Variants in ACYP2 observed in about 807,000 individuals in gnomAD.
The protein encoded by ACYP2 is acylphosphatase-2.
A neutral mutation model predicts 11.2 loss-of-function variants in ACYP2; 12 were observed. The ratio of observed to expected loss-of-function variants is 1.08; its 90% confidence interval spans 0.69 to 1.74. ACYP2 has a LOEUF of 1.74. Ranked by LOEUF, ACYP2 falls within the 40% of genes most tolerant of loss-of-function variation. The probability of loss-of-function intolerance (pLI) is 0.00; values close to 1 mark genes in which losing one functional copy is unlikely to be tolerated. For synonymous variants in ACYP2, 43 were observed against 32.2 expected, an observed-to-expected ratio of 1.33 and a Z score of -1.13; for missense variants, 134 against 101.9, an observed-to-expected ratio of 1.31 and a Z score of -1.35.
intron 2 of ACYP2, chr2:54,030,811 G>A (rs1294143790): frequency 2.6e-5 from 4 of 152,100 alleles, no homozygotes; most frequent in Non-Finnish European, 4.4e-5. Context: ...CTGACCTTTA[G>A]TACTCCTAAC....
At chr2:54,111,059 C>T (rs1679434975) in intron 4 of ACYP2, among the ~76,000 whole-genome samples, 1 of 152,044 alleles carries the variant, frequency 6.6e-6, no homozygotes, top group Non-Finnish European at 1.5e-5. Context: ...CCCAGATGGC[C>T]TTCTTGCTGG....
chr2:54,051,185 C>A, intron 3 of ACYP2: 1 of 725,662 alleles, frequency 1.4e-6, no homozygotes, highest in South Asian at 1.5e-5. Context: ...GCGACTCTGC[C>A]TCACTGAGGA....
At chr2:54,119,873 T>C (rs1273294540) in intron 4 of ACYP2, among the ~76,000 whole-genome samples, 1 of 152,234 alleles carries the variant, frequency 6.6e-6, no homozygotes, top group African/African-American at 2.4e-5. Context: ...TCCTTGAGGC[T>C]GTGACATTCT....
intron 6 of ACYP2, among the ~76,000 whole-genome samples, chr2:54,198,924 G>C (rs553067127): frequency 5.9e-4 from 90 of 152,260 alleles, no homozygotes; most frequent in Admixed American, 4.4e-3. Context: ...TCTCCCCTCA[G>C]CTTCCTGGTA....
At chr2:54,240,142 C>G (rs1331558891) in intron 6 of ACYP2, among the ~76,000 whole-genome samples, 1 of 152,156 alleles carries the variant, frequency 6.6e-6, no homozygotes, top group East Asian at 1.9e-4. Flanking sequence ...CTGGAATTAA[C>G]GTAATGAAGG....
chr2:54,023,280 T>G (rs1674100308), intron 2 of ACYP2, among the ~76,000 whole-genome samples: 1 of 152,170 alleles, frequency 6.6e-6, no homozygotes. Flanking sequence ...GTGGAATTGC[T>G]AGCTCTTATG....
chr2:54,087,721 C>T (rs538462370), intron 4 of ACYP2, among the ~76,000 whole-genome samples: 2 of 152,236 alleles, frequency 1.3e-5, no homozygotes, highest in South Asian at 4.1e-4. Flanking sequence ...AAAAGTATTG[C>T]TCAAGACATA....
chr2:54,046,048 T>C (rs1268529551), intron 2 of ACYP2, among the ~76,000 whole-genome samples: 1 of 150,818 alleles, frequency 6.6e-6, no homozygotes, highest in African/African-American at 2.4e-5. Context: ...CACATGCCTA[T>C]AGTCCCAGCT....
At chr2:53,992,080 C>T (rs1573464796) in intron 2 of ACYP2, among the ~76,000 whole-genome samples, 1 of 150,332 alleles carries the variant, frequency 6.7e-6, no homozygotes, top group Admixed American at 6.7e-5. Flanking sequence ...TTTCCCCTTC[C>T]TTCCTTCCTT....
intron 2 of ACYP2, among the ~76,000 whole-genome samples, chr2:54,025,659 T>C (rs1674244516): frequency 6.6e-6 from 1 of 152,170 alleles, no homozygotes; most frequent in Non-Finnish European, 1.5e-5. Flanking sequence ...TTCTAGACAT[T>C]GTCTTAGTCT....
At chr2:54,214,290 G>A (rs1459942492) in intron 6 of ACYP2, among the ~76,000 whole-genome samples, 1 of 152,096 alleles carries the variant, frequency 6.6e-6, no homozygotes, top group Non-Finnish European at 1.5e-5. Context: ...ATTGCTTTTG[G>A]AGTCTTTGTC....
chr2:54,090,671 C>T (rs953955463), intron 4 of ACYP2, among the ~76,000 whole-genome samples: 2 of 152,136 alleles, frequency 1.3e-5, no homozygotes, highest in African/African-American at 4.8e-5. Flanking sequence ...CCCTTCCTGC[C>T]TTTGCCAATC....
intron 4 of ACYP2, among the ~76,000 whole-genome samples, chr2:54,081,527 C>A (rs1285982936): frequency 6.6e-6 from 1 of 152,122 alleles, no homozygotes; most frequent in East Asian, 1.9e-4. Context: ...AGCCCAGGAA[C>A]AATCAGCTAT....
At chr2:54,257,837 T>C (rs1177602711) in intron 6 of ACYP2, among the ~76,000 whole-genome samples, 1 of 152,110 alleles carries the variant, frequency 6.6e-6, no homozygotes. Flanking sequence ...TGAAATGCAA[T>C]AGAAAATCTA....
chr2:54,028,217 A>G (rs1383859138), intron 2 of ACYP2, among the ~76,000 whole-genome samples: 1 of 152,004 alleles, frequency 6.6e-6, no homozygotes, highest in African/African-American at 2.4e-5. Context: ...AATGACCTTG[A>G]TAGTTTTGAA....
intron 2 of ACYP2, among the ~76,000 whole-genome samples, chr2:53,995,488 T>TATTTTTTATTTA (rs1553350323): frequency 6.9e-6 from 1 of 145,070 alleles, no homozygotes; most frequent in Non-Finnish European, 1.5e-5. Flanking sequence ...TTTATTTATT[T>TATTTTTTATTTA]TTTATTTATT....
Position 54,096,097 on chromosome 2 carries a change from ACG to A in ACYP2, c.277+38739_277+38740del, listed in dbSNP as rs1328135575. On this transcript the variant is annotated intron_variant, in intron 4 of 6. Transcript: ENST00000607452. ...CGGACGGGGTGGCTGCGGGGCGGAG[ACG>A]CTCCTCACTTCCCAGACGGGGTGGC... is the stretch of plus-strand genomic sequence containing the variant. 7.2e-3 allele frequency among the ~76,000 whole-genome samples: 926 copies of A among 129,506 alleles called. 11 individuals carry two copies. Among genetic ancestry groups the A allele is most frequent in the African/African-American group, 0.025 (832 of 33,132 alleles). The allele number at this position is 129,506 out of a possible 152,430, so 85.0% of individuals were successfully genotyped here.
intron 4 of ACYP2, among the ~76,000 whole-genome samples, chr2:54,083,207 G>A (rs1344316454): frequency 1.3e-5 from 2 of 152,146 alleles, no homozygotes; most frequent in Non-Finnish European, 2.9e-5. Context: ...TTATTGAAGC[G>A]AGCACAAATG....
At chr2:54,066,209 C>G (rs1257980546) in intron 4 of ACYP2, among the ~76,000 whole-genome samples, 1 of 152,156 alleles carries the variant, frequency 6.6e-6, no homozygotes, top group African/African-American at 2.4e-5. Flanking sequence ...TTTCCTCATG[C>G]TGTTCCCATG....
Sources: allele counts gnomAD v4.1 joint callset (sites outside exome capture counted in the v4.1 genomes callset), GRCh38; gene constraint gnomAD v4.1.1; transcripts MANE v1.5; gene names NCBI Gene and HGNC (gene_info 2026-07-23, HGNC 2026-07-21).